The following EIF5A variants were observed in gnomAD, a reference collection of about 807,000 sequenced individuals.
The protein encoded by EIF5A is eukaryotic translation initiation factor 5A-1.
EIF5A carries 1 observed loss-of-function variant against 16.6 expected under a neutral mutation model. The observed-to-expected ratio is 0.06, with a 90% CI of 0.02 to 0.28. The LOEUF (loss-of-function observed/expected upper bound fraction) is 0.28, where lower values mean the gene tolerates loss of function less well. EIF5A is among the 10% of genes least tolerant of loss of function. The pLI, the probability that EIF5A is intolerant of heterozygous loss-of-function variation, is 1.00. For synonymous variants in EIF5A, 80 were observed against 73.6 expected, an observed-to-expected ratio of 1.09 and a Z score of -0.44; for missense variants, 29 against 196.1, an observed-to-expected ratio of 0.15 and a Z score of 5.09.
chr17:7,309,294 T>C (rs751722541), intron 1 of EIF5A, among the ~76,000 whole-genome samples: 1 of 151,148 alleles, frequency 6.6e-6, no homozygotes, highest in African/African-American at 2.4e-5. Flanking sequence ...AAGTAACACC[T>C]GAGTCCTCCC....
At chr17:7,310,839 C>CT (rs1422260887) in intron 2 of EIF5A, 179 bp from the exon 3 acceptor site, 15 of 985,258 alleles carry the variant, frequency 1.5e-5, no homozygotes, top group Non-Finnish European at 1.8e-5. Context: ...TTTTTAGCCT[C>CT]TGTTTTTTTT....
At chr17:7,311,258 G>A in intron 3 of EIF5A, 92 bp from the exon 4 acceptor site, 4 of 1,599,946 alleles carry the variant, frequency 2.5e-6, no homozygotes, top group Non-Finnish European at 3.4e-6. Flanking sequence ...GTATTAGTTT[G>A]CTATCAGTCC....
chr17:7,308,023 C>T (rs1259186016), intron 1 of EIF5A: 1 of 985,372 alleles, frequency 1.0e-6, no homozygotes, highest in South Asian at 4.6e-5. Flanking sequence ...CGCCAGGCGG[C>T]CACGCCGGGG....
At chr17:7,310,761 G>T (rs548055549) in intron 2 of EIF5A, 1 of 985,302 alleles carries the variant, frequency 1.0e-6, no homozygotes, top group Admixed American at 6.2e-5. Flanking sequence ...TTTTATCAAG[G>T]TAACTGTCTT....
chr17:7,309,671 A>G lies in EIF5A; in HGVS notation c.36A>G (p.Ala12=). 1 of 1,614,212 alleles carries G rather than the reference A, an allele frequency of 6.2e-7. No homozygotes were observed. The highest frequency in any genetic ancestry group is 1.7e-5 in the Admixed American group (1 of 60,028). ...ACTTGGACTTCGAGACAGGAGATGC[A>G]GGGGCCTCAGCCACCTTCCCAATGC... The part of the protein sequence containing the change: ...ADDLDFETGD[A]GASATFPMQC... Residue 12 remains alanine, a synonymous_variant, in exon 2 of 6, where the codon GCA becomes GCG. Coordinates refer to ENST00000336458, the MANE Select transcript of EIF5A (RefSeq NM_001970.5).
chr17:7,311,764 C>G, intron 5 of EIF5A, 58 bp from the exon 6 acceptor site: 6 of 1,330,534 alleles, frequency 4.5e-6, no homozygotes, highest in Non-Finnish European at 6.3e-6. Flanking sequence ...GCTCTGTCCT[C>G]CCTATCCTTC....
intron 2 of EIF5A, 145 bp downstream of exon 2, chr17:7,309,945 CCATT>C (rs1454202326): frequency 1.3e-6 from 2 of 1,558,214 alleles, no homozygotes; most frequent in Non-Finnish European, 1.7e-6. Flanking sequence ...GCCTTCATAC[CCATT>C]CAGACAACTA....
At chr17:7,309,865 C>G (rs2072760556) in intron 2 of EIF5A, 65 bp downstream of exon 2, 2 of 1,614,122 alleles carry the variant, frequency 1.2e-6, no homozygotes, top group South Asian at 2.2e-5. Context: ...CTCCCAGCAG[C>G]AAGCTGCCAA....
chr17:7,310,980 A>T (rs758233106), intron 2 of EIF5A, 38 bp from the exon 3 acceptor site: 1 of 1,587,368 alleles, frequency 6.3e-7, no homozygotes, highest in Non-Finnish European at 8.6e-7. Context: ...TCCGTTTTAG[A>T]GTTTGGTTGG....
chr17:7,308,517 C>T (rs905618200), intron 1 of EIF5A: 87 of 1,351,456 alleles, frequency 6.4e-5, no homozygotes, highest in Middle Eastern at 2.1e-4. Context: ...TTCCCAACCT[C>T]AAGGGCCCCA....
chr17:7,311,330 C>T lies in EIF5A; in HGVS notation c.271-20C>T, dbSNP rs2072821911. On this transcript the variant is annotated intron_variant, in intron 3 of 5. Coordinates refer to ENST00000336458, the MANE Select transcript of EIF5A (RefSeq NM_001970.5). ...TCCCTGGGCCTACTACCTTCAGCCT[C>T]CTTCCCTATCTGCCCCCAGCTGATT... 7.4e-6 allele frequency: 12 copies of T among 1,613,866 alleles called. No individual in the cohort carries two copies. The South Asian group carries it at 9.9e-5, about 13-fold the overall frequency.
At position 7,309,513 on chromosome 17, in the gene EIF5A, T is replaced by G. The variant is rs2072750374; in HGVS notation, c.-21-102T>G. On this transcript the variant is annotated intron_variant, in intron 1 of 5. Transcript: ENST00000336458. ...CTTTGACTTTATTTTAGGTGGGTAA[T>G]GGAATAAAGAGTTGGGAAAATGTTT... 11 of 1,467,436 alleles carry G rather than the reference T, an allele frequency of 7.5e-6. No individual in the cohort carries two copies. In the East Asian group the frequency reaches 2.5e-4, roughly 33 times the overall value. The allele number at this position is 1,467,436 out of a possible 1,614,324, so 90.9% of individuals were successfully genotyped here. A position where few individuals can be genotyped will look rare whatever the true frequency, so the allele number is the denominator to read the frequency against.
upstream of EIF5A, chr17:7,307,179 C>G: frequency 6.7e-7 from 1 of 1,495,010 alleles, no homozygotes; most frequent in Admixed American, 2.1e-5. Flanking sequence ...GCGTTCTAGA[C>G]GAGACAAGTG....
At chr17:7,309,141 G>C (rs2072734269) in intron 1 of EIF5A, among the ~76,000 whole-genome samples, 1 of 151,076 alleles carries the variant, frequency 6.6e-6, no homozygotes, top group Non-Finnish European at 1.5e-5. Flanking sequence ...GGGGGGGGCA[G>C]TGTAACAGAT....
chr17:7,310,642 C>G (rs763353094), intron 2 of EIF5A: 1 of 985,294 alleles, frequency 1.0e-6, no homozygotes, highest in South Asian at 4.7e-5. Flanking sequence ...CCTTTCCCTT[C>G]TACCTTCCTT....
Position 7,307,651 on chromosome 17 carries a change from C to CGGCGGCGGCGGTAGA in EIF5A, c.-111_-97dup, listed in dbSNP as rs970696993. Reference sequence around the variant, plus strand: ...GCGTACTAAGACCCGTGTGCAGCAGCGGCGGCGGCGGTAGAGGCGGCGGCG... The same window carrying CGGCGGCGGCGGTAGA: ...GCGTACTAAGACCCGTGTGCAGCAGCGGCGGCGGCGGTAGAGGCGGCGGCGGTAGAGGCGGCGGCG... On this transcript the variant is annotated 5_prime_UTR_variant, in exon 1 of 6. Transcript: ENST00000336458. The CGGCGGCGGCGGTAGA allele has an allele frequency of 6.5e-5, 68 of 1,046,090 alleles. No individual in the cohort carries two copies. The highest frequency in any genetic ancestry group is 7.7e-5 in the Non-Finnish European group (67 of 870,132). 64.8% of individuals were successfully genotyped at this position (1,046,090 alleles called of 1,614,324 possible).
upstream of EIF5A, chr17:7,307,475 C>T (rs1455442438): frequency 2.0e-6 from 2 of 1,005,854 alleles, no homozygotes; most frequent in East Asian, 1.1e-4. Context: ...GTCACGTATG[C>T]GCGTCATTGG....
At chr17:7,307,795 G>A in intron 1 of EIF5A, 43 bp downstream of exon 1, 1 of 990,244 alleles carries the variant, frequency 1.0e-6, no homozygotes, top group Non-Finnish European at 1.2e-6. Flanking sequence ...CTTGGCTTGG[G>A]CCCGGGAGAA....
intron 3 of EIF5A, 58 bp from the exon 4 acceptor site, chr17:7,311,291 CT>C (rs2072819527): frequency 6.2e-7 from 1 of 1,612,782 alleles, no homozygotes; most frequent in Non-Finnish European, 8.5e-7. Context: ...AGAGCCTTTA[CT>C]GTCATGTCAG....
Sources: gnomAD v4.1 joint callset for allele counts (sites outside exome capture counted in the v4.1 genomes callset) on GRCh38, gnomAD v4.1.1 for gene constraint, MANE v1.5 for transcripts, NCBI Gene and HGNC (gene_info 2026-07-23, HGNC 2026-07-21) for gene names.